The following RPS6KC1 variants were observed in gnomAD, a reference collection of about 807,000 sequenced individuals.
The protein encoded by RPS6KC1 is inactive ribosomal protein S6 kinase delta-1.
A neutral mutation model predicts 103.8 loss-of-function variants in RPS6KC1; 54 were observed. The ratio of observed to expected loss-of-function variants is 0.52; its 90% CI spans 0.42 to 0.65. The LOEUF is 0.65. RPS6KC1 is among the 30% of genes least tolerant of loss of function. The pLI is 0.00. For missense variants in RPS6KC1, 1,151 were observed against 1,253.8 expected (o/e 0.92, Z 1.24); for synonymous variants, 439 against 438.7 (o/e 1.00, Z -0.01).
In RPS6KC1 at chr1:213,142,975, T is replaced by G. The variant is rs115188618; in HGVS notation, c.835+13086T>G. ...CCTACAATATCTCCAAAGATATGCC[T>G]GTATATATATTTTTATTTTTCTTAG... On this transcript the variant is annotated intron_variant, in intron 6 of 14. Coordinates refer to ENST00000366960, the MANE Select transcript of RPS6KC1 (RefSeq NM_012424.6). Among the ~76,000 whole-genome samples, 1,067 of 152,164 alleles carry G rather than the reference T, an allele frequency of 7.0e-3. 17 individuals are homozygous for G. Among genetic ancestry groups the G allele is most frequent in the African/African-American group, 0.024 (1,010 of 41,550 alleles).
intron 8 of RPS6KC1, among the ~76,000 whole-genome samples, chr1:213,210,004 A>G (rs936371786): frequency 1.3e-5 from 2 of 152,102 alleles, no homozygotes; most frequent in African/African-American, 4.8e-5. Flanking sequence ...GGTGAGGACG[A>G]CCAGAGTTGA....
At chr1:213,401,747 G>T in the RPS6KC1 span, among the ~76,000 whole-genome samples, 1 of 151,900 alleles carries the variant, frequency 6.6e-6, no homozygotes, top group Non-Finnish European at 1.5e-5. Flanking sequence ...GTGTATATTT[G>T]TTTCTTGAGT....
chr1:213,067,979 A>C (rs1572311603), intron 1 of RPS6KC1, among the ~76,000 whole-genome samples: 1 of 152,344 alleles, frequency 6.6e-6, no homozygotes, highest in East Asian at 1.9e-4. Context: ...CAAAAAGATC[A>C]TTTGCTTATA....
chr1:213,700,715 C>G, the RPS6KC1 span, among the ~76,000 whole-genome samples: 3 of 151,600 alleles, frequency 2.0e-5, no homozygotes, highest in African/African-American at 7.3e-5. Flanking sequence ...GTTTTTGGTA[C>G]CCTCTTAAAT....
chr1:213,717,143 G>T, the RPS6KC1 span, among the ~76,000 whole-genome samples: 1 of 152,210 alleles, frequency 6.6e-6, no homozygotes, highest in Non-Finnish European at 1.5e-5. Context: ...AGATTCAGAG[G>T]CTTGGGTCCT....
chr1:213,558,585 C>G, the RPS6KC1 span, among the ~76,000 whole-genome samples: 145 of 152,358 alleles, frequency 9.5e-4, 1 homozygote, highest in Non-Finnish European at 1.9e-3. Context: ...CTCTTCTTCC[C>G]TGTCTTTCTG....
intron 6 of RPS6KC1, among the ~76,000 whole-genome samples, chr1:213,152,533 G>C (rs1320473234): frequency 6.6e-6 from 1 of 150,902 alleles, no homozygotes; most frequent in Non-Finnish European, 1.5e-5. Flanking sequence ...CGGGGCGGCC[G>C]GGTAGAGATG....
the RPS6KC1 span, among the ~76,000 whole-genome samples, chr1:213,413,358 C>A: frequency 6.6e-6 from 1 of 152,190 alleles, no homozygotes; most frequent in Non-Finnish European, 1.5e-5. Flanking sequence ...GGCACAACAA[C>A]TACCCTAGAA....
At chr1:213,628,144 T>C in the RPS6KC1 span, among the ~76,000 whole-genome samples, 3 of 152,346 alleles carry the variant, frequency 2.0e-5, no homozygotes, top group Non-Finnish European at 2.9e-5. Flanking sequence ...CCTGGTTTAG[T>C]CTTGGGAGGG....
At chr1:213,494,587 A>G in the RPS6KC1 span, among the ~76,000 whole-genome samples, 3 of 152,038 alleles carry the variant, frequency 2.0e-5, no homozygotes, top group Admixed American at 6.5e-5. Context: ...TTGAGAGACA[A>G]ATGTTTCAAA....
chr1:213,558,192 T>A, the RPS6KC1 span, among the ~76,000 whole-genome samples: 593 of 152,382 alleles, frequency 3.9e-3, 5 homozygotes, highest in African/African-American at 0.014. Flanking sequence ...TGAGAGTTGC[T>A]ATGGCACATC....
At chr1:213,258,936 C>A (rs983471005) in intron 12 of RPS6KC1, among the ~76,000 whole-genome samples, 2 of 152,072 alleles carry the variant, frequency 1.3e-5, no homozygotes, top group African/African-American at 4.8e-5. Flanking sequence ...AGGGATATGT[C>A]CTTCATGAGT....
At chr1:213,112,345 G>T (rs1208820723) in intron 4 of RPS6KC1, among the ~76,000 whole-genome samples, 1 of 152,062 alleles carries the variant, frequency 6.6e-6, no homozygotes, top group Non-Finnish European at 1.5e-5. Flanking sequence ...CTTGTCTGGT[G>T]ATATCATTCT....
the RPS6KC1 span, among the ~76,000 whole-genome samples, chr1:213,628,192 T>C: frequency 6.6e-6 from 1 of 152,238 alleles, no homozygotes. Flanking sequence ...GTTCTAGATT[T>C]TCTAGTTTAT....
At chr1:213,301,060 T>C in the RPS6KC1 span, among the ~76,000 whole-genome samples, 1 of 152,162 alleles carries the variant, frequency 6.6e-6, no homozygotes, top group African/African-American at 2.4e-5. Flanking sequence ...GGGCGCCCCC[T>C]CTACAGGCTC....
the RPS6KC1 span, among the ~76,000 whole-genome samples, chr1:213,369,067 G>A: frequency 1.3e-5 from 2 of 152,254 alleles, no homozygotes; most frequent in Non-Finnish European, 2.9e-5. Context: ...TCTGAGATTC[G>A]GGATTTTCTG....
intron 6 of RPS6KC1, among the ~76,000 whole-genome samples, chr1:213,145,908 GTTA>G (rs2087709212): frequency 7.7e-6 from 1 of 129,512 alleles, no homozygotes; most frequent in African/African-American, 3.0e-5. Flanking sequence ...GTACAATTAA[GTTA>G]TTATTGACTA....
chr1:213,315,288 C>T, the RPS6KC1 span, among the ~76,000 whole-genome samples: 2 of 152,306 alleles, frequency 1.3e-5, no homozygotes, highest in South Asian at 4.1e-4. Flanking sequence ...AGGTTGTTTC[C>T]CTTCCCTCTC....
chr1:213,207,589 C>T (rs924406082), intron 8 of RPS6KC1, among the ~76,000 whole-genome samples: 2 of 152,000 alleles, frequency 1.3e-5, no homozygotes, highest in Non-Finnish European at 2.9e-5. Flanking sequence ...GGTATAAAAA[C>T]TTCAGTCATT....
Sources: gnomAD v4.1 joint callset for allele counts (sites outside exome capture counted in the v4.1 genomes callset) on GRCh38, gnomAD v4.1.1 for gene constraint, MANE v1.5 for transcripts, NCBI Gene and HGNC (gene_info 2026-07-23, HGNC 2026-07-21) for gene names.